Variants in LSP1 observed in about 807,000 individuals in gnomAD.
The protein encoded by LSP1 is lymphocyte-specific protein 1.
Under a neutral mutation model 49.3 loss-of-function variants are expected in LSP1, and 32 were observed. The ratio of observed to expected loss-of-function variants is 0.65; its 90% CI spans 0.49 to 0.87. The LOEUF (loss-of-function observed/expected upper bound fraction) is 0.87, where lower values mean the gene tolerates loss of function less well. LSP1 is among the 40% of genes least tolerant of loss of function. LSP1 has a pLI of 0.00. For missense variants in LSP1, 428 were observed against 442.6 expected (o/e 0.97, Z 0.30); for synonymous variants, 179 against 178.8 (o/e 1.00, Z -0.01).
chr11:1,854,360 G>A (rs1235102209), intron 1 of LSP1, among the ~76,000 whole-genome samples: 4 of 152,102 alleles, frequency 2.6e-5, no homozygotes, highest in African/African-American at 9.7e-5. Flanking sequence ...CTGCCTTGGT[G>A]CTGACAGCAG....
intron 1 of LSP1, chr11:1,871,147 T>C: frequency 1.0e-6 from 1 of 985,402 alleles, no homozygotes; most frequent in Non-Finnish European, 1.2e-6. Flanking sequence ...CTCGGCAGCG[T>C]TGTGGTTAGT....
chr11:1,877,950 A>G (rs539317703), intron 1 of LSP1, among the ~76,000 whole-genome samples: 1 of 152,204 alleles, frequency 6.6e-6, no homozygotes. Flanking sequence ...AAACGTGTGC[A>G]CACGAGCTTC....
intron 1 of LSP1, among the ~76,000 whole-genome samples, chr11:1,861,695 GTGGA>G (rs58820256): frequency 0.53 from 64,538 of 121,476 alleles, 12,813 homozygotes; most frequent in East Asian, 0.61. Context: ...GGATGGGTGG[GTGGA>G]TGGATGGATG....
At chr11:1,877,822 C>T (rs1168861212) in intron 1 of LSP1, among the ~76,000 whole-genome samples, 1 of 152,178 alleles carries the variant, frequency 6.6e-6, no homozygotes, top group Non-Finnish European at 1.5e-5. Flanking sequence ...GTGCCCCAGG[C>T]CTAGGGAGTC....
intron 1 of LSP1, among the ~76,000 whole-genome samples, chr11:1,856,059 C>G (rs573858990): frequency 1.1e-4 from 17 of 152,334 alleles, no homozygotes; most frequent in African/African-American, 3.8e-4. Context: ...CTTGGCCCAG[C>G]TGCCCGGGGG....
chr11:1,881,938 G>C (rs1242910783), intron 3 of LSP1, among the ~76,000 whole-genome samples: 1 of 152,178 alleles, frequency 6.6e-6, no homozygotes, highest in African/African-American at 2.4e-5. Context: ...GCAGCTGCGA[G>C]GCCAGGCCGG....
Position 1,884,634 on chromosome 11 carries a change from T to C in LSP1, c.717+53T>C, listed in dbSNP as rs1848683657. The C allele has an allele frequency of 6.7e-7, 1 of 1,498,266 alleles. No individual in the cohort carries two copies. Among genetic ancestry groups the C allele is most frequent in the South Asian group, 1.1e-5 (1 of 88,024 alleles). The allele number at this position is 1,498,266 out of a possible 1,614,324, so 92.8% of individuals were successfully genotyped here. ...GGTCCCTCCTGCATCCTGGCACCAT[T>C]CCTTCATCCAACCAACGCCCTTCCA... On this transcript the variant is annotated intron_variant, in intron 7 of 10. Coordinates refer to ENST00000311604, the MANE Select transcript of LSP1 (RefSeq NM_002339.3). The surrounding 1 kb of genome is among the most constrained non-coding windows in gnomAD (Gnocchi z 4.1).
At chr11:1,866,326 G>C (rs1328425597) in intron 1 of LSP1, 1 of 700,258 alleles carries the variant, frequency 1.4e-6, no homozygotes, top group Admixed American at 3.2e-5. Flanking sequence ...TGCCCACCCA[G>C]GCCAGGCACT....
At position 1,865,334 on chromosome 11, in the gene LSP1, G is replaced by T. The variant is rs560003152; in HGVS notation, c.53+12137G>T. On this transcript the variant is annotated intron_variant, in intron 1 of 10. Coordinates refer to ENST00000311604, the MANE Select transcript of LSP1 (RefSeq NM_002339.3). ...CCCATGCTGGGCTGCCACATGCACC[G>T]GGCCACTGGGCCTCCCCCCAGCTTC... The T allele has an allele frequency of 3.0e-5, 20 of 665,058 alleles. No homozygotes were observed. The African/African-American group carries it at 3.5e-4, about 12-fold the overall frequency. The allele number at this position is 665,058 out of a possible 1,614,324, so 41.2% of individuals were successfully genotyped here.
intron 1 of LSP1, among the ~76,000 whole-genome samples, chr11:1,874,511 G>A (rs951405426): frequency 1.3e-5 from 2 of 152,160 alleles, no homozygotes; most frequent in African/African-American, 4.8e-5. Context: ...CAGCAGGCCC[G>A]GCACCCAGGC....
At chr11:1,867,183 G>A (rs1467256326) in intron 1 of LSP1, among the ~76,000 whole-genome samples, 4 of 152,166 alleles carry the variant, frequency 2.6e-5, no homozygotes, top group Non-Finnish European at 4.4e-5. Flanking sequence ...GAACTCCCTT[G>A]GAACTTGTCC....
At chr11:1,890,000 C>T in intron 10 of LSP1, 1 of 660,354 alleles carries the variant, frequency 1.5e-6, no homozygotes, top group Non-Finnish European at 2.8e-6. Context: ...TCCTGGGAGG[C>T]TCAGGGGTCC....
intron 1 of LSP1, chr11:1,869,211 G>C: frequency 4.4e-6 from 1 of 229,620 alleles, no homozygotes. Context: ...GTATTGGTGC[G>C]AGCTGAGGTG....
intron 1 of LSP1, chr11:1,864,241 G>C (rs1847716694): frequency 1.0e-6 from 1 of 987,698 alleles, no homozygotes; most frequent in Non-Finnish European, 1.2e-6. Flanking sequence ...GATGGTGAGG[G>C]AGGTGGCAGG....
Position 1,862,126 on chromosome 11 carries a change from G to A in LSP1, c.53+8929G>A, listed in dbSNP as rs953193987. Reference sequence around the variant, plus strand: ...GGATGGATGAATAGATGGGTGGGTGGATGGGTAAAATGGATGGATGAACTG... The same window carrying A: ...GGATGGATGAATAGATGGGTGGGTGAATGGGTAAAATGGATGGATGAACTG... On this transcript the variant is annotated intron_variant, in intron 1 of 10. Coordinates refer to ENST00000311604, the MANE Select transcript of LSP1 (RefSeq NM_002339.3). Among the ~76,000 whole-genome samples the A allele has an allele frequency of 3.3e-5, 5 of 152,186 alleles. No homozygotes were observed. The South Asian group carries it at 1.0e-3, about 32-fold the overall frequency.
rs548047434 is a variant in LSP1 at position 1,883,309 on chromosome 11, C to T, written c.357-110C>T. On this transcript the variant is annotated intron_variant, in intron 3 of 10. Coordinates refer to ENST00000311604, the MANE Select transcript of LSP1 (RefSeq NM_002339.3). ...CTCAGATCCCTTGGCACTCAAGTAGCCTGACTACCTTCATTTTACAGATGG... is the reference window on the plus strand; with the variant it reads ...CTCAGATCCCTTGGCACTCAAGTAGTCTGACTACCTTCATTTTACAGATGG... The T allele has an allele frequency of 9.0e-5, 125 of 1,386,924 alleles. No individual in the cohort carries two copies. In the East Asian group the frequency reaches 2.9e-3, roughly 32 times the overall value. 85.9% of individuals were successfully genotyped at this position (1,386,924 alleles called of 1,614,324 possible). A position where few individuals can be genotyped will look rare whatever the true frequency, so the allele number is the denominator to read the frequency against.
chr11:1,887,403 C>A (rs1441696804), intron 9 of LSP1, 71 bp from the exon 10 acceptor site: 5 of 1,582,316 alleles, frequency 3.2e-6, no homozygotes, highest in Non-Finnish European at 3.5e-6. Flanking sequence ...GGGAGGGCTT[C>A]CCAGAGGCGG....
intron 1 of LSP1, chr11:1,876,451 C>G: frequency 1.0e-6 from 1 of 985,750 alleles, no homozygotes; most frequent in Non-Finnish European, 1.2e-6. Flanking sequence ...CCTCGACATC[C>G]TCCCCGCAGC....
chr11:1,890,547 C>A, intron 10 of LSP1: 1 of 713,766 alleles, frequency 1.4e-6, no homozygotes, highest in Non-Finnish European at 2.6e-6. Context: ...GCTTGGGCCG[C>A]ACACCTCGGG....
Sources: gnomAD v4.1 joint callset for allele counts (sites outside exome capture counted in the v4.1 genomes callset) on GRCh38, gnomAD v4.1.1 for gene constraint, Gnocchi (gnomAD v3.1) non-coding constraint, MANE v1.5 for transcripts, NCBI Gene and HGNC (gene_info 2026-07-23, HGNC 2026-07-21) for gene names.